The following NLGN1 variants were observed in gnomAD, a reference collection of about 807,000 sequenced individuals.
NLGN1 encodes the protein neuroligin-1.
Under a neutral mutation model 65.5 loss-of-function variants are expected in NLGN1, and 12 were observed. The observed-to-expected ratio is 0.18, with a 90% confidence interval of 0.12 to 0.30. The LOEUF is 0.30. Ranked by LOEUF, NLGN1 falls within the 10% of genes least tolerant of loss-of-function variation. The pLI is 1.00. For missense variants in NLGN1, 750 were observed against 1,007.1 expected, an observed-to-expected ratio of 0.74 and a Z score of 3.46; for synonymous variants, 350 against 359.5, an observed-to-expected ratio of 0.97 and a Z score of 0.30.
rs1736443361 is a variant in NLGN1 at position 174,211,252 on chromosome 3, C to A, written c.647-64063C>A. ...GGGTTGCCAATGCTGGCTCTGGCAG[C>A]CTGCTTTTATTCTCTTATCTGGCCC... On this transcript the variant is annotated intron_variant, in intron 4 of 6. Transcript: ENST00000457714. Among the ~76,000 whole-genome samples the A allele has an allele frequency of 5.9e-5, 9 of 152,198 alleles. No homozygotes were observed. The South Asian group carries it at 1.9e-3, about 32-fold the overall frequency.
chr3:173,652,175 G>A (rs2149648468), intron 3 of NLGN1, among the ~76,000 whole-genome samples: 1 of 152,256 alleles, frequency 6.6e-6, no homozygotes, highest in South Asian at 2.1e-4. Context: ...TTAGTCCACT[G>A]TCAGATACAT....
intron 4 of NLGN1, among the ~76,000 whole-genome samples, chr3:174,139,754 T>C (rs1284476092): frequency 6.6e-6 from 1 of 152,182 alleles, no homozygotes; most frequent in Non-Finnish European, 1.5e-5. Context: ...TCCTGTTGTT[T>C]CACATCCTCA....
chr3:173,690,463 T>G (rs2149821226), intron 3 of NLGN1, among the ~76,000 whole-genome samples: 1 of 152,314 alleles, frequency 6.6e-6, no homozygotes, highest in African/African-American at 2.4e-5. Context: ...GTGGCATTTT[T>G]CACATACTGC....
chr3:173,867,598 A>C (rs1730409560), intron 4 of NLGN1, among the ~76,000 whole-genome samples: 1 of 152,074 alleles, frequency 6.6e-6, no homozygotes, highest in Non-Finnish European at 1.5e-5. Context: ...ACCTCATGGC[A>C]TGTTAGTAAA....
At chr3:174,059,871 A>G (rs1393689396) in intron 4 of NLGN1, among the ~76,000 whole-genome samples, 6 of 152,176 alleles carry the variant, frequency 3.9e-5, no homozygotes, top group African/African-American at 1.2e-4. Flanking sequence ...ATTTGGCAGC[A>G]TAACAGTTAT....
At chr3:173,456,491 G>A (rs979718659) in intron 2 of NLGN1, among the ~76,000 whole-genome samples, 2 of 152,114 alleles carry the variant, frequency 1.3e-5, no homozygotes, top group African/African-American at 4.8e-5. Flanking sequence ...ACATATTAGT[G>A]TTAATATGAA....
intron 5 of NLGN1, among the ~76,000 whole-genome samples, chr3:174,276,317 T>G (rs1446926499): frequency 6.6e-6 from 1 of 151,904 alleles, no homozygotes; most frequent in African/African-American, 2.4e-5. Context: ...TTACCATGCA[T>G]AGAATCACCC....
chr3:174,014,877 T>A (rs772069550), intron 4 of NLGN1, among the ~76,000 whole-genome samples: 6 of 152,064 alleles, frequency 3.9e-5, no homozygotes, highest in Non-Finnish European at 7.4e-5. Context: ...AAGTAGAGGC[T>A]TCATAAAAGA....
At chr3:173,663,089 T>C (rs1206197782) in intron 3 of NLGN1, among the ~76,000 whole-genome samples, 1 of 152,042 alleles carries the variant, frequency 6.6e-6, no homozygotes, top group African/African-American at 2.4e-5. Flanking sequence ...AGATGGTAAA[T>C]GCATGGACTT....
intron 3 of NLGN1, among the ~76,000 whole-genome samples, chr3:173,677,460 A>T (rs1285596182): frequency 6.6e-6 from 1 of 152,024 alleles, no homozygotes; most frequent in Non-Finnish European, 1.5e-5. Context: ...TAAATTTGTC[A>T]TTTAAAACCT....
intron 3 of NLGN1, among the ~76,000 whole-genome samples, chr3:173,618,957 G>C (rs1753570243): frequency 6.6e-6 from 1 of 152,146 alleles, no homozygotes. Flanking sequence ...GGTAGTCTGT[G>C]CAGTCCGGCT....
chr3:173,408,541 T>C (rs1711769836), intron 1 of NLGN1, among the ~76,000 whole-genome samples: 1 of 152,034 alleles, frequency 6.6e-6, no homozygotes, highest in Non-Finnish European at 1.5e-5. Context: ...ACCTGGAGAT[T>C]AGGGAGGGAA....
intron 4 of NLGN1, among the ~76,000 whole-genome samples, chr3:174,036,204 T>C (rs567405802): frequency 6.6e-6 from 1 of 152,298 alleles, no homozygotes; most frequent in South Asian, 2.1e-4. Context: ...TCAAGATCAA[T>C]GTTACAGTCC....
intron 4 of NLGN1, among the ~76,000 whole-genome samples, chr3:173,845,891 C>T (rs1351753430): frequency 6.6e-6 from 1 of 151,924 alleles, no homozygotes; most frequent in Non-Finnish European, 1.5e-5. Context: ...TCATAGTATT[C>T]AGTCATATAA....
intron 4 of NLGN1, among the ~76,000 whole-genome samples, chr3:174,235,832 C>T (rs1369889580): frequency 6.6e-6 from 1 of 152,112 alleles, no homozygotes; most frequent in Admixed American, 6.5e-5. Flanking sequence ...GTTTGAGGAA[C>T]GTGACCTAAA....
At chr3:173,685,706 A>G in intron 3 of NLGN1, 1 of 985,324 alleles carries the variant, frequency 1.0e-6, no homozygotes, top group Non-Finnish European at 1.2e-6. Context: ...AAGTTTGGTA[A>G]ATGATCCCAA....
rs749749824 is a variant in NLGN1 at position 173,747,801 on chromosome 3, C to CTTTTTTTTTTTTTTTTTTTTTTTT, written c.494-59872_494-59849dup. Among the ~76,000 whole-genome samples the CTTTTTTTTTTTTTTTTTTTTTTTT allele has an allele frequency of 3.6e-4, 23 of 64,420 alleles. 5 individuals carry two copies. The highest frequency in any genetic ancestry group is 1.2e-3 in the African/African-American group (19 of 16,082). The allele number at this position is 64,420 out of a possible 152,430, so 42.3% of individuals were successfully genotyped here. ...AATTTTCTTTCTTCTTCTTCTTGTT[C>CTTTTTTTTTTTTTTTTTTTTTTTT]TTTTTTTTTTTTTTTTTTTTTTTTT... On this transcript the variant is annotated intron_variant, in intron 3 of 6. Transcript: ENST00000457714.
At chr3:174,105,774 AC>A (rs1713636306) in intron 4 of NLGN1, among the ~76,000 whole-genome samples, 1 of 148,544 alleles carries the variant, frequency 6.7e-6, no homozygotes. Context: ...AAGTCCTATT[AC>A]CTTTTCCAAT....
chr3:174,183,777 C>T (rs1730878857), intron 4 of NLGN1, among the ~76,000 whole-genome samples: 1 of 152,116 alleles, frequency 6.6e-6, no homozygotes, highest in African/African-American at 2.4e-5. Flanking sequence ...GTAGACAAGA[C>T]AGGAAAGTGT....
Sources: gnomAD v4.1 joint callset for allele counts (sites outside exome capture counted in the v4.1 genomes callset) on GRCh38, gnomAD v4.1.1 for gene constraint, MANE v1.5 for transcripts, NCBI Gene and HGNC (gene_info 2026-07-23, HGNC 2026-07-21) for gene names.